The following EPHA6 variants were observed in gnomAD, a reference collection of about 807,000 sequenced individuals.
EPHA6 encodes the protein EPH receptor A6.
A neutral mutation model predicts 112.0 loss-of-function variants in EPHA6; 50 were observed. That is an observed-to-expected ratio of 0.45 (90% CI 0.36 to 0.56). EPHA6 has a LOEUF of 0.56. EPHA6 is among the 20% of genes least tolerant of loss of function. EPHA6 has a pLI of 0.00. For missense variants in EPHA6, 1,280 were observed against 1,417.4 expected (o/e 0.90, Z 1.56); for synonymous variants, 529 against 490.7 (o/e 1.08, Z -1.03).
At chr3:97,410,399 G>T (rs2087637265) in intron 6 of EPHA6, among the ~76,000 whole-genome samples, 1 of 151,806 alleles carries the variant, frequency 6.6e-6, no homozygotes, top group Non-Finnish European at 1.5e-5. Flanking sequence ...TTCTTTTGTT[G>T]TATTTCCTTT....
At chr3:97,414,807 A>C (rs2087997893) in intron 6 of EPHA6, among the ~76,000 whole-genome samples, 1 of 152,074 alleles carries the variant, frequency 6.6e-6, no homozygotes, top group Non-Finnish European at 1.5e-5. Context: ...AGAAAAATCA[A>C]TTGTAAACCA....
At chr3:97,467,109 C>A (rs1406696057) in intron 7 of EPHA6, among the ~76,000 whole-genome samples, 5 of 151,798 alleles carry the variant, frequency 3.3e-5, no homozygotes, top group African/African-American at 7.3e-5. Flanking sequence ...CTCTATCTCT[C>A]TCACTAAAGA....
At chr3:97,566,286 G>A (rs2093265691) in intron 11 of EPHA6, among the ~76,000 whole-genome samples, 1 of 152,130 alleles carries the variant, frequency 6.6e-6, no homozygotes, top group Non-Finnish European at 1.5e-5. Context: ...CAAGGGACGT[G>A]CCCCCATTAC....
In EPHA6 at chr3:97,374,243, T is replaced by A. The variant is rs539132038; in HGVS notation, c.1607-30907T>A. 3.9e-5 allele frequency among the ~76,000 whole-genome samples: 6 copies of A among 152,212 alleles called. No homozygotes were observed. The East Asian group carries it at 1.2e-3, about 29-fold the overall frequency. ...TCCACAGTTGCTATCCTAACTTCCC[T>A]AATCAGCCAGACTCAAAACTTTTAC... On this transcript the variant is annotated intron_variant, in intron 5 of 17. Coordinates refer to ENST00000389672, the MANE Select transcript of EPHA6 (RefSeq NM_001080448.3).
chr3:97,517,280 C>G (rs757703049), intron 10 of EPHA6, among the ~76,000 whole-genome samples: 1 of 151,912 alleles, frequency 6.6e-6, no homozygotes, highest in Non-Finnish European at 1.5e-5. Context: ...AAATACACAC[C>G]AGGAAGAACT....
intron 14 of EPHA6, 115 bp downstream of exon 14, chr3:97,638,197 A>T: frequency 1.4e-6 from 1 of 713,524 alleles, no homozygotes; most frequent in Admixed American, 3.2e-5. Context: ...TTACTTTGCT[A>T]ATTTGATATC....
chr3:97,280,236 A>T (rs1052144953), intron 5 of EPHA6, among the ~76,000 whole-genome samples: 1 of 152,248 alleles, frequency 6.6e-6, no homozygotes, highest in African/African-American at 2.4e-5. Flanking sequence ...GTGTAGCTTA[A>T]CTGCTAGATT....
intron 3 of EPHA6, among the ~76,000 whole-genome samples, chr3:97,034,502 T>C (rs1471600739): frequency 6.6e-6 from 1 of 151,922 alleles, no homozygotes; most frequent in Non-Finnish European, 1.5e-5. Context: ...TGAATCTCTT[T>C]CAATTTCTCT....
chr3:97,562,275 A>G (rs2093202907), intron 11 of EPHA6, among the ~76,000 whole-genome samples: 1 of 152,156 alleles, frequency 6.6e-6, no homozygotes, highest in Non-Finnish European at 1.5e-5. Flanking sequence ...TAAATTGAAA[A>G]TCTTCTGGAA....
At chr3:96,994,732 T>TATATATATATATATAGAGAG (rs1170197805) in intron 3 of EPHA6, among the ~76,000 whole-genome samples, 7 of 82,216 alleles carry the variant, frequency 8.5e-5, no homozygotes, top group African/African-American at 4.5e-4. Flanking sequence ...TATATATATA[T>TATATATATATATATAGAGAG]AGAGAGAGAG....
intron 10 of EPHA6, among the ~76,000 whole-genome samples, chr3:97,488,824 G>T (rs574620948): frequency 1.3e-5 from 2 of 152,196 alleles, no homozygotes; most frequent in Non-Finnish European, 2.9e-5. Context: ...TGCATGTTGA[G>T]TAGACTGAGA....
intron 5 of EPHA6, among the ~76,000 whole-genome samples, chr3:97,294,639 T>C (rs1219962468): frequency 1.3e-5 from 2 of 152,232 alleles, no homozygotes; most frequent in African/African-American, 4.8e-5. Context: ...AGTTTGGTGA[T>C]TTTCTGTAAC....
intron 5 of EPHA6, among the ~76,000 whole-genome samples, chr3:97,251,707 TC>T (rs2079147551): frequency 6.6e-6 from 1 of 152,180 alleles, no homozygotes; most frequent in Non-Finnish European, 1.5e-5. Flanking sequence ...TGTTTTTTCT[TC>T]CATGTATTCC....
rs746711705 is a variant in EPHA6 at position 97,372,998 on chromosome 3, G to A, written c.1607-32152G>A. ...CCACTTGTTAAAAGTAGGTGATGAT[G>A]TATGGATGTCCATTACATTATTGTG... On this transcript the variant is annotated intron_variant, in intron 5 of 17. Coordinates refer to ENST00000389672, the MANE Select transcript of EPHA6 (RefSeq NM_001080448.3). Among the ~76,000 whole-genome samples the A allele has an allele frequency of 5.5e-4, 83 of 152,094 alleles. 1 individual carries two copies. The highest frequency in any genetic ancestry group is 2.4e-4 in the Non-Finnish European group (16 of 67,988).
intron 2 of EPHA6, among the ~76,000 whole-genome samples, chr3:96,932,876 G>A (rs893448089): frequency 2.0e-5 from 3 of 152,066 alleles, no homozygotes; most frequent in Non-Finnish European, 2.9e-5. Context: ...CATGCAAAAC[G>A]ATTTATCTGG....
intron 5 of EPHA6, among the ~76,000 whole-genome samples, chr3:97,257,278 A>G (rs1200971883): frequency 2.0e-5 from 3 of 151,974 alleles, no homozygotes; most frequent in African/African-American, 7.2e-5. Flanking sequence ...TGTGGCTTTA[A>G]TGGGAATTTC....
At chr3:97,639,376 T>G (rs1197753383) in intron 14 of EPHA6, among the ~76,000 whole-genome samples, 2 of 152,024 alleles carry the variant, frequency 1.3e-5, no homozygotes, top group Non-Finnish European at 2.9e-5. Flanking sequence ...CTTTACAAAT[T>G]TATAACTTAA....
intron 10 of EPHA6, among the ~76,000 whole-genome samples, chr3:97,492,677 C>G (rs138592093): frequency 3.6e-5 from 5 of 138,868 alleles, no homozygotes; most frequent in African/African-American, 5.4e-5. Context: ...AAAGAAAGGA[C>G]AAGATAGATA....
chr3:97,061,434 C>A (rs774885120), intron 3 of EPHA6, among the ~76,000 whole-genome samples: 2 of 152,176 alleles, frequency 1.3e-5, no homozygotes, highest in Admixed American at 6.5e-5. Flanking sequence ...GGCCCAGAGC[C>A]TTTTTCCTCT....
Sources: allele counts gnomAD v4.1 joint callset (sites outside exome capture counted in the v4.1 genomes callset), GRCh38; gene constraint gnomAD v4.1.1; transcripts MANE v1.5; gene names NCBI Gene and HGNC (gene_info 2026-07-23, HGNC 2026-07-21).